SFMBT2: variants seen among roughly 807,000 people sequenced by gnomAD.
The protein encoded by SFMBT2 is scm-like with four MBT domains protein 2.
SFMBT2 carries 38 observed loss-of-function variants against 110.1 expected under a neutral mutation model. The ratio of observed to expected loss-of-function variants is 0.35; its 90% CI spans 0.27 to 0.45. The LOEUF (loss-of-function observed/expected upper bound fraction) is 0.45, where lower values mean the gene tolerates loss of function less well. Among genes scored for constraint, SFMBT2 ranks in the 20% least tolerant of loss-of-function variants. SFMBT2 has a pLI of 1.00. For missense variants in SFMBT2, 1,011 were observed against 1,094.9 expected (o/e 0.92, Z 1.08); for synonymous variants, 425 against 425.4 (o/e 1.00, Z 0.01).
chr10:7,305,811 T>C (rs183692347), intron 4 of SFMBT2, among the ~76,000 whole-genome samples: 1 of 152,352 alleles, frequency 6.6e-6, no homozygotes, highest in Admixed American at 6.5e-5. Flanking sequence ...TTCTGCACGT[T>C]TTGTGACTCC....
chr10:7,323,779 A>G (rs1321615197), intron 4 of SFMBT2, among the ~76,000 whole-genome samples: 1 of 152,210 alleles, frequency 6.6e-6, no homozygotes, highest in Non-Finnish European at 1.5e-5. Flanking sequence ...TAGTACAGAG[A>G]TAATCAGAAG....
intron 4 of SFMBT2, among the ~76,000 whole-genome samples, chr10:7,355,789 G>A (rs182069557): frequency 9.9e-5 from 15 of 152,266 alleles, no homozygotes; most frequent in African/African-American, 3.6e-4. Context: ...TCCAGCCTGG[G>A]CGACAAGGTG....
At chr10:7,245,807 C>A (rs867458281) in intron 8 of SFMBT2, among the ~76,000 whole-genome samples, 1 of 152,318 alleles carries the variant, frequency 6.6e-6, no homozygotes, top group South Asian at 2.1e-4. Flanking sequence ...ACACGTCTGT[C>A]TGCATCCTTG....
rs766247500 is a variant in SFMBT2 at position 7,367,695 on chromosome 10, G to A, written c.390C>T (p.Pro130=). 16 of 1,613,802 alleles carry A rather than the reference G, an allele frequency of 9.9e-6. No homozygotes were observed. The highest frequency in any genetic ancestry group is 3.3e-5 in the South Asian group (3 of 91,040). ...TGTTGTTCTGTGTGCACCACCCCAC[G>A]GGGTGCAAATCCGCGATGACTACGT... ...WCDVVIADLH[P]VGWCTQNNKV... Residue 130 remains proline (P), a synonymous_variant, in exon 4 of 21, where the codon CCC becomes CCT. Transcript: ENST00000397167. This position sits in a 1 kb window ranked among gnomAD's most constrained non-coding sequence, Gnocchi z 6.2.
chr10:7,214,687 C>T (rs1839472591), intron 11 of SFMBT2: 1 of 985,364 alleles, frequency 1.0e-6, no homozygotes, highest in Non-Finnish European at 1.2e-6. Context: ...GTTCGTGGTA[C>T]AAGGAGGCAA....
chr10:7,277,306 T>C, intron 6 of SFMBT2: 1 of 184,084 alleles, frequency 5.4e-6, no homozygotes, highest in Non-Finnish European at 1.0e-5. Flanking sequence ...CCTTCAGTCA[T>C]CCATGGGCCA....
chr10:7,378,464 A>G (rs1231007040), intron 2 of SFMBT2, among the ~76,000 whole-genome samples: 2 of 21,124 alleles, frequency 9.5e-5, no homozygotes, highest in Admixed American at 6.4e-4. Flanking sequence ...TGGATGGGTG[A>G]TGGATGGGTG....
At chr10:7,275,839 C>A (rs915199521) in intron 7 of SFMBT2, among the ~76,000 whole-genome samples, 1 of 152,196 alleles carries the variant, frequency 6.6e-6, no homozygotes, top group East Asian at 1.9e-4. Flanking sequence ...AGGAAGCCCA[C>A]GTCCCCTACT....
At chr10:7,284,190 T>C (rs1257140988) in intron 5 of SFMBT2, 40 bp from the exon 6 acceptor site, 1 of 1,591,744 alleles carries the variant, frequency 6.3e-7, no homozygotes, top group Non-Finnish European at 8.5e-7. Flanking sequence ...TTAAACTTTA[T>C]TTTAAGGTTC....
At chr10:7,368,234 G>A (rs1588486694) in intron 3 of SFMBT2, 1 of 620,594 alleles carries the variant, frequency 1.6e-6, no homozygotes, top group African/African-American at 2.0e-5. Flanking sequence ...AAAACCTGGT[G>A]TGTATTCTAC....
intron 4 of SFMBT2, chr10:7,329,571 C>A: frequency 2.2e-6 from 2 of 916,900 alleles, no homozygotes; most frequent in Non-Finnish European, 2.6e-6. Context: ...CGCCCAGGGG[C>A]CAAAACACCA....
chr10:7,333,720 T>C (rs560423209), intron 4 of SFMBT2, among the ~76,000 whole-genome samples: 3 of 147,066 alleles, frequency 2.0e-5, no homozygotes, highest in Non-Finnish European at 4.5e-5. Context: ...CCTCCCCGCT[T>C]TCTCTCTCTC....
chr10:7,410,100 C>T (rs1374295610), intron 1 of SFMBT2, among the ~76,000 whole-genome samples: 1 of 152,190 alleles, frequency 6.6e-6, no homozygotes, highest in East Asian at 1.9e-4. Context: ...CCAGAACCAG[C>T]TCAAGTCAGC....
intron 1 of SFMBT2, among the ~76,000 whole-genome samples, chr10:7,384,176 T>A (rs1190752395): frequency 2.6e-5 from 3 of 115,726 alleles, no homozygotes; most frequent in African/African-American, 3.4e-5. Context: ...GCGCCATTGC[T>A]CTCCAGCCTA....
intron 2 of SFMBT2, among the ~76,000 whole-genome samples, chr10:7,371,760 TA>T (rs1458140270): frequency 6.6e-6 from 1 of 152,124 alleles, no homozygotes; most frequent in East Asian, 1.9e-4. Flanking sequence ...ATTTATCTTC[TA>T]GAAACAAGAG....
intron 1 of SFMBT2, among the ~76,000 whole-genome samples, chr10:7,392,720 T>C (rs1845802727): frequency 6.6e-6 from 1 of 152,034 alleles, no homozygotes; most frequent in Non-Finnish European, 1.5e-5. Flanking sequence ...AATGTTTTTC[T>C]TTTTCAACTT....
At chr10:7,223,782 CT>C (rs1839822445) in intron 10 of SFMBT2, among the ~76,000 whole-genome samples, 1 of 152,170 alleles carries the variant, frequency 6.6e-6, no homozygotes, top group African/African-American at 2.4e-5. Flanking sequence ...CCTTGAAAAT[CT>C]TTTAAAAATA....
At chr10:7,175,950 T>A in intron 17 of SFMBT2, 40 bp downstream of exon 17, 2 of 1,585,380 alleles carry the variant, frequency 1.3e-6, no homozygotes, top group Non-Finnish European at 1.7e-6. Flanking sequence ...AGTTTAGGTC[T>A]CTGGGCTCAT....
At chr10:7,388,597 A>G (rs1227096220) in intron 1 of SFMBT2, among the ~76,000 whole-genome samples, 1 of 149,098 alleles carries the variant, frequency 6.7e-6, no homozygotes, top group Non-Finnish European at 1.5e-5. Flanking sequence ...GCTGGTCTCA[A>G]ACTCCTGGCC....
Sources: gnomAD v4.1 joint callset for allele counts (sites outside exome capture counted in the v4.1 genomes callset) on GRCh38, gnomAD v4.1.1 for gene constraint, Gnocchi (gnomAD v3.1) non-coding constraint, MANE v1.5 for transcripts, NCBI Gene and HGNC (gene_info 2026-07-23, HGNC 2026-07-21) for gene names.